The following EPHA6 variants were observed in gnomAD, a reference collection of about 807,000 sequenced individuals.
The protein encoded by EPHA6 is ephrin type-A receptor 6.
In EPHA6, 50 loss-of-function variants were observed where a neutral mutation model predicts 112.0. The ratio of observed to expected loss-of-function variants is 0.45; its 90% CI spans 0.36 to 0.56. The LOEUF (loss-of-function observed/expected upper bound fraction) is 0.56, where lower values mean the gene tolerates loss of function less well. Ranked by LOEUF, EPHA6 falls within the 20% of genes least tolerant of loss-of-function variation. The pLI is 0.00. For synonymous variants in EPHA6, 529 were observed against 490.7 expected (o/e 1.08, Z -1.03); for missense variants, 1,280 against 1,417.4 (o/e 0.90, Z 1.56).
intron 3 of EPHA6, among the ~76,000 whole-genome samples, chr3:97,128,272 C>T (rs1208079096): frequency 6.6e-6 from 1 of 152,136 alleles, no homozygotes; most frequent in African/African-American, 2.4e-5. Context: ...GGCAATTAGA[C>T]TGAATCCATA....
intron 2 of EPHA6, among the ~76,000 whole-genome samples, chr3:96,900,701 C>T (rs563740858): frequency 6.6e-5 from 10 of 152,324 alleles, no homozygotes; most frequent in African/African-American, 2.4e-4. Context: ...ATTGTTTTTG[C>T]CACAGAAATA....
At chr3:97,437,911 C>G (rs572940789) in intron 6 of EPHA6, among the ~76,000 whole-genome samples, 2 of 151,978 alleles carry the variant, frequency 1.3e-5, no homozygotes, top group Non-Finnish European at 2.9e-5. Context: ...ATGTTTTGCT[C>G]TCTGCTATTT....
intron 6 of EPHA6, among the ~76,000 whole-genome samples, chr3:97,439,033 C>T (rs1341147606): frequency 6.6e-6 from 1 of 152,132 alleles, no homozygotes; most frequent in African/African-American, 2.4e-5. Context: ...TTATTAAAAT[C>T]AATTACGAAT....
chr3:96,929,366 G>A (rs972328478), intron 2 of EPHA6, among the ~76,000 whole-genome samples: 1 of 152,164 alleles, frequency 6.6e-6, no homozygotes, highest in African/African-American at 2.4e-5. Flanking sequence ...AATATTGGCT[G>A]CTAATGGTTT....
intron 11 of EPHA6, among the ~76,000 whole-genome samples, chr3:97,590,968 T>C (rs1488131392): frequency 1.3e-5 from 2 of 152,176 alleles, no homozygotes; most frequent in South Asian, 2.1e-4. Flanking sequence ...TGATAGATAT[T>C]CCATGCATTC....
chr3:96,931,523 GA>G (rs1163963176), intron 2 of EPHA6, among the ~76,000 whole-genome samples: 1 of 152,190 alleles, frequency 6.6e-6, no homozygotes, highest in African/African-American at 2.4e-5. Context: ...TAGTGAGGAG[GA>G]ATAGATCAGG....
intron 3 of EPHA6, among the ~76,000 whole-genome samples, chr3:97,021,237 A>G (rs1426957315): frequency 6.6e-6 from 1 of 152,194 alleles, no homozygotes; most frequent in African/African-American, 2.4e-5. Context: ...ATTTTCTAAG[A>G]AGCAGCTGGT....
chr3:97,105,086 A>T (rs569314239), intron 3 of EPHA6, among the ~76,000 whole-genome samples: 30 of 151,468 alleles, frequency 2.0e-4, no homozygotes, highest in African/African-American at 6.8e-4. Context: ...ATTAAAAAAA[A>T]ACTCCTCGAT....
At chr3:97,364,351 T>C (rs552222143) in intron 5 of EPHA6, among the ~76,000 whole-genome samples, 3 of 151,816 alleles carry the variant, frequency 2.0e-5, no homozygotes, top group Admixed American at 2.0e-4. Flanking sequence ...TTAGTTTTTT[T>C]TTTTTTTTAC....
intron 7 of EPHA6, among the ~76,000 whole-genome samples, chr3:97,455,386 A>T (rs2090649372): frequency 1.3e-5 from 2 of 152,086 alleles, no homozygotes. Context: ...TAGTAACTTA[A>T]CAGTACCCAC....
intron 3 of EPHA6, among the ~76,000 whole-genome samples, chr3:97,121,460 G>A (rs1276741792): frequency 6.6e-6 from 1 of 152,010 alleles, no homozygotes; most frequent in African/African-American, 2.4e-5. Flanking sequence ...TCAAAAATTA[G>A]GGCTTCCTCT....
At chr3:97,307,134 T>C (rs1347690507) in intron 5 of EPHA6, among the ~76,000 whole-genome samples, 1 of 151,806 alleles carries the variant, frequency 6.6e-6, no homozygotes, top group Non-Finnish European at 1.5e-5. Flanking sequence ...TTTAGAAATA[T>C]CTGGTTATAT....
chr3:97,366,966 G>A (rs1277073289), intron 5 of EPHA6, among the ~76,000 whole-genome samples: 1 of 152,080 alleles, frequency 6.6e-6, no homozygotes, highest in African/African-American at 2.4e-5. Flanking sequence ...TTGATTCATT[G>A]AATTCTCACA....
intron 2 of EPHA6, among the ~76,000 whole-genome samples, chr3:96,879,996 G>A (rs2037212946): frequency 6.6e-6 from 1 of 151,678 alleles, no homozygotes; most frequent in Admixed American, 6.6e-5. Context: ...CTACCTATTG[G>A]GTACAATGTA....
intron 5 of EPHA6, among the ~76,000 whole-genome samples, chr3:97,371,479 C>T (rs551949550): frequency 2.0e-5 from 3 of 152,168 alleles, no homozygotes; most frequent in African/African-American, 4.8e-5. Context: ...CCAATCAATA[C>T]CCTTGTGATT....
intron 14 of EPHA6, among the ~76,000 whole-genome samples, chr3:97,657,289 A>G (rs1576219775): frequency 6.6e-6 from 1 of 151,874 alleles, no homozygotes; most frequent in Admixed American, 6.6e-5. Flanking sequence ...TTTAAAAATA[A>G]CTGCCACTAA....
intron 2 of EPHA6, among the ~76,000 whole-genome samples, chr3:96,971,332 C>T (rs924427563): frequency 1.3e-5 from 2 of 152,090 alleles, no homozygotes; most frequent in Non-Finnish European, 2.9e-5. Context: ...AGATACACCA[C>T]TGAATTCTTA....
At chr3:97,309,239 TTTAAAG>T (rs1230245679) in intron 5 of EPHA6, among the ~76,000 whole-genome samples, 1 of 151,604 alleles carries the variant, frequency 6.6e-6, no homozygotes, top group East Asian at 1.9e-4. Context: ...AAAAATAACA[TTTAAAG>T]TTATTTTTCC....
At chr3:97,701,044 C>A (rs2033353358) in intron 14 of EPHA6, among the ~76,000 whole-genome samples, 1 of 152,088 alleles carries the variant, frequency 6.6e-6, no homozygotes, top group African/African-American at 2.4e-5. Flanking sequence ...AGCACAGTAT[C>A]CAGAGCATCT....
Sources: gnomAD v4.1 joint callset for allele counts (sites outside exome capture counted in the v4.1 genomes callset) on GRCh38, gnomAD v4.1.1 for gene constraint, MANE v1.5 for transcripts, NCBI Gene and HGNC (gene_info 2026-07-23, HGNC 2026-07-21) for gene names.